Variants in TTBK2 observed in about 807,000 individuals in gnomAD.
The protein encoded by TTBK2 is tau tubulin kinase 2.
Under a neutral mutation model 110.8 loss-of-function variants are expected in TTBK2, and 28 were observed. The ratio of observed to expected loss-of-function variants is 0.25; its 90% CI spans 0.19 to 0.35. The LOEUF is 0.35. Ranked by LOEUF, TTBK2 falls within the 10% of genes least tolerant of loss-of-function variation. TTBK2 has a pLI of 1.00. For missense variants in TTBK2, 1,369 were observed against 1,500.3 expected (o/e 0.91, Z 1.45); for synonymous variants, 532 against 527.3 (o/e 1.01, Z -0.12).
intron 1 of TTBK2, among the ~76,000 whole-genome samples, chr15:42,906,245 G>A (rs769313469): frequency 1.3e-5 from 2 of 151,540 alleles, no homozygotes; most frequent in Admixed American, 6.6e-5. Flanking sequence ...AACAACAGAA[G>A]AGAAACAGTC....
chr15:42,883,002 T>C (rs956409043), intron 1 of TTBK2, among the ~76,000 whole-genome samples: 4 of 152,262 alleles, frequency 2.6e-5, no homozygotes, highest in Admixed American at 2.0e-4. Flanking sequence ...TCTTGAGTTC[T>C]CAAAAATATG....
intron 2 of TTBK2, among the ~76,000 whole-genome samples, chr15:42,875,809 G>A (rs540462462): frequency 3.3e-5 from 5 of 151,924 alleles, no homozygotes; most frequent in African/African-American, 1.2e-4. Context: ...GGGAGGCTGA[G>A]GCAGGAGAGT....
chr15:42,917,066 T>TC (rs1432055725), intron 1 of TTBK2, among the ~76,000 whole-genome samples: 3 of 152,162 alleles, frequency 2.0e-5, no homozygotes, highest in African/African-American at 4.8e-5. Context: ...CTTAGTAACT[T>TC]CCACTCTTTA....
chr15:42,851,137 A>G (rs890876169), intron 3 of TTBK2, among the ~76,000 whole-genome samples: 8 of 151,804 alleles, frequency 5.3e-5, no homozygotes, highest in Non-Finnish European at 1.2e-4. Flanking sequence ...AGTCCCAGCT[A>G]CTTGGGAGGC....
At chr15:42,814,576 C>G (rs1229969327) in intron 7 of TTBK2, among the ~76,000 whole-genome samples, 1 of 151,998 alleles carries the variant, frequency 6.6e-6, no homozygotes, top group African/African-American at 2.4e-5. Context: ...GACCCTGTCT[C>G]TAAAAAGTAA....
rs867980077 is a variant in TTBK2 at position 42,752,622 on chromosome 15, T to C, written c.2624A>G (p.Lys875Arg). ...GQIGQVAEMQ[K>R]NKISKDDDIM... ...GTCATCATCCTTAGATATCTTATTT[T>C]TTTGCATTTCTGCCACTTGGCCTAT... The change falls in exon 14 of 15, where the codon AAA becomes AGA. Residue 875 changes from lysine (K) to arginine (R), a missense_variant. By Grantham distance (26) the Lys-to-Arg change is conservative (BLOSUM62 2). Around this residue, in one of 4 missense-constraint regions of TTBK2, gnomAD observed 1,097 missense variants for 1,114.7 expected, o/e 0.98. Coordinates refer to ENST00000267890, the MANE Select transcript of TTBK2 (RefSeq NM_173500.4). 11 of 1,614,204 alleles carry C rather than the reference T, an allele frequency of 6.8e-6. No homozygotes were observed. Among genetic ancestry groups the C allele is most frequent in the African/African-American group, 6.7e-5 (5 of 75,054 alleles).
At chr15:42,878,724 GT>G in intron 1 of TTBK2, 40 bp from the exon 2 acceptor site, 2 of 1,591,458 alleles carry the variant, frequency 1.3e-6, no homozygotes, top group Non-Finnish European at 1.7e-6. Flanking sequence ...AGTATTTAGG[GT>G]TAACTAATCA....
intron 13 of TTBK2, among the ~76,000 whole-genome samples, chr15:42,769,823 G>A (rs569571941): frequency 1.3e-5 from 2 of 152,194 alleles, no homozygotes; most frequent in South Asian, 4.2e-4. Flanking sequence ...TGTTTATTGT[G>A]GCACTATTCA....
intron 9 of TTBK2, among the ~76,000 whole-genome samples, chr15:42,807,297 G>A (rs1181305765): frequency 6.6e-6 from 1 of 152,040 alleles, no homozygotes; most frequent in Non-Finnish European, 1.5e-5. Flanking sequence ...GCTCACCAAC[G>A]GTGTGTATAT....
At position 42,792,201 on chromosome 15, in the gene TTBK2, C is replaced by G. The variant is rs555141082; in HGVS notation, c.980+2443G>C. Among the ~76,000 whole-genome samples, 214 of 152,200 alleles carry G rather than the reference C, an allele frequency of 1.4e-3. 1 individual carries two copies. The highest frequency in any genetic ancestry group is 4.9e-3 in the African/African-American group (203 of 41,512). On this transcript the variant is annotated intron_variant, in intron 10 of 14. Transcript: ENST00000267890. Reference sequence around the variant, plus strand: ...ATAGGTAGAAGGTTTGAAATGTTCCCAACACAAAGAAATGATAAATGTTTG... The same window carrying G: ...ATAGGTAGAAGGTTTGAAATGTTCCGAACACAAAGAAATGATAAATGTTTG...
chr15:42,897,578 G>T (rs929283190), intron 1 of TTBK2, among the ~76,000 whole-genome samples: 2 of 152,038 alleles, frequency 1.3e-5, no homozygotes, highest in East Asian at 3.9e-4. Flanking sequence ...GCAAAGTCTG[G>T]GCTAAAAGGA....
At chr15:42,775,749 C>A in intron 12 of TTBK2, 26 bp from the exon 13 acceptor site, 2 of 1,577,396 alleles carry the variant, frequency 1.3e-6, no homozygotes, top group South Asian at 2.2e-5. Context: ...AGAAGTTACT[C>A]AACTGTCCTA....
chr15:42,864,636 T>C (rs897219830), intron 3 of TTBK2, among the ~76,000 whole-genome samples: 14 of 152,054 alleles, frequency 9.2e-5, no homozygotes, highest in Non-Finnish European at 2.1e-4. Flanking sequence ...ACATAGATTC[T>C]GTACCCCCCA....
chr15:42,910,811 C>T lies in TTBK2; in HGVS notation c.-68+9627G>A, dbSNP rs756730265. On this transcript the variant is annotated intron_variant, in intron 1 of 14. Coordinates refer to ENST00000267890, the MANE Select transcript of TTBK2 (RefSeq NM_173500.4). ...CTGTAATCCCAGCACTTTGGGAGGC[C>T]GAGACAGGCAGATCACGAGGTGAGG... Among the ~76,000 whole-genome samples the T allele has an allele frequency of 2.6e-5, 4 of 151,898 alleles. No homozygotes were observed. The East Asian group carries it at 5.8e-4, about 22-fold the overall frequency.
intron 3 of TTBK2, among the ~76,000 whole-genome samples, chr15:42,861,224 T>C (rs943190359): frequency 2.6e-5 from 4 of 152,160 alleles, no homozygotes; most frequent in African/African-American, 7.2e-5. Context: ...AAAGAAATTC[T>C]GGACTTAAAC....
At chr15:42,906,948 GC>G (rs755197659) in intron 1 of TTBK2, among the ~76,000 whole-genome samples, 18 of 151,804 alleles carry the variant, frequency 1.2e-4, no homozygotes, top group South Asian at 6.2e-4. Flanking sequence ...AATCTGGGAG[GC>G]CAAAGCAGAA....
At chr15:42,846,844 T>C (rs541311289) in intron 3 of TTBK2, among the ~76,000 whole-genome samples, 2 of 152,124 alleles carry the variant, frequency 1.3e-5, no homozygotes, top group South Asian at 4.2e-4. Context: ...GAGATTAAGC[T>C]CTATAAAGAC....
At chr15:42,760,385 A>C (rs1257091801) in intron 13 of TTBK2, among the ~76,000 whole-genome samples, 1 of 1,512 alleles carries the variant, frequency 6.6e-4, no homozygotes. Context: ...ACTCCATCTC[A>C]AAAAAAAAAA....
intron 6 of TTBK2, among the ~76,000 whole-genome samples, chr15:42,820,995 C>T (rs1054979847): frequency 6.6e-6 from 1 of 151,332 alleles, no homozygotes. Flanking sequence ...GAGCTGAGAT[C>T]GTGCCACTCC....
Sources: gnomAD v4.1 joint callset for allele counts (sites outside exome capture counted in the v4.1 genomes callset) on GRCh38, gnomAD v4.1.1 for gene constraint, gnomAD v4.1.1 regional missense constraint, MANE v1.5 for transcripts, NCBI Gene and HGNC (gene_info 2026-07-23, HGNC 2026-07-21) for gene names.